XIRP1: variants seen among roughly 807,000 people sequenced by gnomAD.
The protein encoded by XIRP1 is xin actin-binding repeat-containing protein 1.
For synonymous variants in XIRP1, 984 were observed against 947.0 expected (o/e 1.04, Z -0.72); for missense variants, 2,378 against 2,345.4 (o/e 1.01, Z -0.29).
At chr3:39,190,019 ACTTTTAC>A (rs1480303584) in intron 1 of XIRP1, among the ~76,000 whole-genome samples, 1 of 152,174 alleles carries the variant, frequency 6.6e-6, no homozygotes, top group Non-Finnish European at 1.5e-5. Context: ...ACGCTGCCTA[ACTTTTAC>A]CTCTTGGCTG....
Position 39,186,553 on chromosome 3 carries a change from G to T in XIRP1, c.2893C>A (p.His965Asn). 6.2e-7 allele frequency: 1 copy of T among 1,611,878 alleles called. No homozygotes were observed. ...ACATGGATGATGCTCTCAGTTGGGTGCAGGCTCTGGGCCCCCTCGCTGGCT... is the reference window on the plus strand; with the variant it reads ...ACATGGATGATGCTCTCAGTTGGGTTCAGGCTCTGGGCCCCCTCGCTGGCT... ...VPASEGAQSL[H>N]PTESIIHVPP... The change falls in exon 2 of 2, where the codon CAC becomes AAC. Residue 965 changes from histidine (H) to asparagine (N), a missense_variant. Physicochemically the swap from His to Asn is moderately conservative, Grantham distance 68. Coordinates refer to ENST00000340369, the MANE Select transcript of XIRP1 (RefSeq NM_194293.4).
Position 39,185,227 on chromosome 3 carries a change from C to A in XIRP1, c.4219G>T (p.Ala1407Ser), listed in dbSNP as rs753207588. The change falls in exon 2 of 2, where the codon GCC (alanine) becomes TCC (serine). Residue 1407 changes from alanine (A) to serine (S), a missense_variant. By Grantham distance (99) the Ala-to-Ser change is moderately conservative. Coordinates refer to ENST00000340369, the MANE Select transcript of XIRP1 (RefSeq NM_194293.4). Reference sequence around the variant, plus strand: ...GCCTGATTCTTGGTGGGCCTGGGGGCCGTGGTGCTGAGGCCATGTTGTAAG... The same window carrying A: ...GCCTGATTCTTGGTGGGCCTGGGGGACGTGGTGCTGAGGCCATGTTGTAAG... ...PSLQHGLSTTAPRPTKNQATG... is the reference protein window; with the variant it reads ...PSLQHGLSTTSPRPTKNQATG... The A allele has an allele frequency of 2.5e-6, 4 of 1,614,072 alleles. No homozygotes were observed. Among genetic ancestry groups the A allele is most frequent in the South Asian group, 1.1e-5 (1 of 91,084 alleles).
chr3:39,187,535 C>T lies in XIRP1; in HGVS notation c.1911G>A (p.Arg637=). 6.2e-7 allele frequency: 1 copy of T among 1,614,066 alleles called. No homozygotes were observed. Among genetic ancestry groups the T allele is most frequent in the Non-Finnish European group, 8.5e-7 (1 of 1,180,048 alleles). The part of the protein sequence containing the change: ...TWMFKPQPVD[R]PVGSREQHLQ... ...GGTGCTGCTCCCTGGAGCCCACTGG[C>T]CTGTCCACAGGTTGGGGCTTGAACA... Residue 637 remains arginine, a synonymous_variant, in exon 2 of 2, where the codon AGG becomes AGA. Transcript: ENST00000340369.
chr3:39,189,091 G>T lies in XIRP1; in HGVS notation c.355C>A (p.Leu119Met). ...HERPAAKEPVLCGDVQATSRK... is the reference protein window; with the variant it reads ...HERPAAKEPVMCGDVQATSRK... ...GAGGTGGCCTGGACGTCACCACACA[G>T]CACGGGCTCCTTGGCAGCTGGCCTC... Residue 119 changes from leucine to methionine, a missense_variant, in exon 2 of 2, where the codon CTG (leucine) becomes ATG (methionine). Leu to Met is a conservative substitution (Grantham distance 15). Transcript: ENST00000340369. 6.2e-7 allele frequency: 1 copy of T among 1,614,170 alleles called. No individual in the cohort carries two copies. The highest frequency in any genetic ancestry group is 8.5e-7 in the Non-Finnish European group (1 of 1,180,040).
chr3:39,188,906 C>T lies in XIRP1; in HGVS notation c.540G>A (p.Arg180=), dbSNP rs1362081792. The change falls in exon 2 of 2, where the codon AGG becomes AGA. Residue 180 remains arginine, a synonymous_variant. Transcript: ENST00000340369. The part of the protein sequence containing the change: ...GQAKELEATV[R]EPAASGDVQG... ...GCACATCTCCGCTGGCTGCAGGCTCCCTCACAGTGGCCTCCAGTTCCTTGG... is the reference window on the plus strand; with the variant it reads ...GCACATCTCCGCTGGCTGCAGGCTCTCTCACAGTGGCCTCCAGTTCCTTGG... The T allele has an allele frequency of 6.2e-7, 1 of 1,613,196 alleles. No homozygotes were observed. The highest frequency in any genetic ancestry group is 1.3e-5 in the African/African-American group (1 of 74,922).
In XIRP1 at chr3:39,187,663, G is replaced by A. The variant is rs766035547; in HGVS notation, c.1783C>T (p.Arg595Trp). The A allele has an allele frequency of 7.6e-5, 122 of 1,613,940 alleles. No individual in the cohort carries two copies. Among genetic ancestry groups the A allele is most frequent in the Non-Finnish European group, 9.7e-5 (114 of 1,180,048 alleles). The change falls in exon 2 of 2, where the codon CGG becomes TGG. Residue 595 changes from arginine to tryptophan, a missense_variant. Coordinates refer to ENST00000340369, the MANE Select transcript of XIRP1 (RefSeq NM_194293.4). The stretch of plus-strand genomic sequence containing the variant: ...ATTGGGCAAGTCTCGAACAACCACC[G>A]GATGGTCTGCACATCGCCCTTTGGG... The part of the protein sequence containing the change: ...APPKGDVQTI[R>W]WLFETCPMSE...
chr3:39,186,604 G>T lies in XIRP1; in HGVS notation c.2842C>A (p.Pro948Thr). The stretch of plus-strand genomic sequence containing the variant: ...GGCACTGGACTCGGGTCAGCCGGGG[G>T]CTCCCACCGCAGACTGTGCAGGCCA... ...LSGLHSLRWEPPADPSPVPAS... is the reference protein window; with the variant it reads ...LSGLHSLRWETPADPSPVPAS... The change falls in exon 2 of 2, where the codon CCC becomes ACC. Residue 948 changes from proline (P) to threonine (T), a missense_variant. Pro to Thr is a conservative substitution (Grantham distance 38, BLOSUM62 -1). Transcript: ENST00000340369. 6 of 1,609,880 alleles carry T rather than the reference G, an allele frequency of 3.7e-6. No homozygotes were observed. Among genetic ancestry groups the T allele is most frequent in the Non-Finnish European group, 5.1e-6 (6 of 1,177,548 alleles).
In XIRP1 at chr3:39,189,372, G is replaced by T. The variant is rs375830547; in HGVS notation, c.74C>A (p.Pro25His). Residue 25 changes from proline (P) to histidine (H), a missense_variant, in exon 2 of 2, where the codon CCT (proline) becomes CAT (histidine). Physicochemically the swap from Pro to His is moderately conservative, Grantham distance 77 (BLOSUM62 -2). Coordinates refer to ENST00000340369, the MANE Select transcript of XIRP1 (RefSeq NM_194293.4). ...RMATAEDLPL[P>H]PPPALEDLPL... ...CAGGTCCTCCAGGGCTGGGGGTGGA[G>T]GGAGGGGCAGGTCCTCTGCAGTTGC... The T allele has an allele frequency of 8.1e-6, 13 of 1,612,038 alleles. No homozygotes were observed. The highest frequency in any genetic ancestry group is 9.3e-6 in the Non-Finnish European group (11 of 1,179,550).
At position 39,189,266 on chromosome 3, in the gene XIRP1, G is replaced by A. The variant is rs2040050868; in HGVS notation, c.180C>T (p.His60=). The stretch of plus-strand genomic sequence containing the variant: ...GATTCTTGCGGAGCTCAGGGTGGAT[G>A]TGCCTGTAGAGGCGGCGGAGCTCAC... The part of the protein sequence containing the change: ...QASELRRLYR[H]IHPELRKNLA... Residue 60 remains histidine (H), a synonymous_variant, in exon 2 of 2, where the codon CAC becomes CAT. Coordinates refer to ENST00000340369, the MANE Select transcript of XIRP1 (RefSeq NM_194293.4). 1 of 1,614,058 alleles carries A rather than the reference G, an allele frequency of 6.2e-7. No homozygotes were observed. The highest frequency in any genetic ancestry group is 1.1e-5 in the South Asian group (1 of 91,080).
chr3:39,185,816 C>T lies in XIRP1; in HGVS notation c.3630G>A (p.Ala1210=), dbSNP rs539103997. The change falls in exon 2 of 2, where the codon GCG becomes GCA. Residue 1210 remains alanine (A), a synonymous_variant. Transcript: ENST00000340369. The part of the protein sequence containing the change: ...TQMAWGPPGK[A]MAEVCPGGLQ... ...GGCCCCCTGGGCAGACTTCTGCCAT[C>T]GCCTTCCCTGGTGGCCCCCAGGCCA... is the stretch of plus-strand genomic sequence containing the variant. 8.7e-6 allele frequency: 14 copies of T among 1,613,652 alleles called. No individual in the cohort carries two copies. The South Asian group carries it at 9.9e-5, about 11-fold the overall frequency.
chr3:39,186,002 C>T lies in XIRP1; in HGVS notation c.3444G>A (p.Val1148=). The T allele has an allele frequency of 6.2e-7, 1 of 1,614,150 alleles. No individual in the cohort carries two copies. The highest frequency in any genetic ancestry group is 1.1e-5 in the South Asian group (1 of 91,086). Residue 1148 remains valine, a synonymous_variant, in exon 2 of 2, where the codon GTG becomes GTA. Transcript: ENST00000340369. ...IQDGIYTAHP[V]RTFDPPGGVQ... is the part of the protein sequence containing the mutation. ...CACCCCCAGGTGGGTCAAAGGTCCT[C>T]ACGGGATGAGCGGTGTAGATGCCAT...
chr3:39,188,799 T>C lies in XIRP1; in HGVS notation c.647A>G (p.Glu216Gly), dbSNP rs2040037237. Residue 216 changes from glutamate to glycine, a missense_variant, in exon 2 of 2, where the codon GAA becomes GGA. Glu to Gly is a moderately conservative substitution (Grantham distance 98, BLOSUM62 -2). Transcript: ENST00000340369. ...CAGCTCCTGGATCTCTGAGCGCAGT[T>C]CCAAGGGGCTCTGCTCCTGCAGGGA... ...RPSLQEQSPL[E>G]LRSEIQELKG... 6.2e-7 allele frequency: 1 copy of C among 1,613,356 alleles called. No homozygotes were observed. The highest frequency in any genetic ancestry group is 1.7e-5 in the Admixed American group (1 of 60,008).
Position 39,185,539 on chromosome 3 carries a change from T to G in XIRP1, c.3907A>C (p.Thr1303Pro). 1 of 1,561,494 alleles carries G rather than the reference T, an allele frequency of 6.4e-7. No individual in the cohort carries two copies. Among genetic ancestry groups the G allele is most frequent in the South Asian group, 1.2e-5 (1 of 81,840 alleles). ...GTCTTTGTCTGTGACCCTCCAGGGG[T>G]TCTCTGGCCAGCAGGGCTGCTGTGG... is the stretch of plus-strand genomic sequence containing the variant. ...HSHSSPAGQR[T>P]PGGSQTKTPK... Residue 1303 changes from threonine to proline, a missense_variant, in exon 2 of 2, where the codon ACC becomes CCC. Transcript: ENST00000340369.
At position 39,186,896 on chromosome 3, in the gene XIRP1, G is replaced by A. The variant is rs755924636; in HGVS notation, c.2550C>T (p.Asp850=). 1.2e-6 allele frequency: 2 copies of A among 1,613,952 alleles called. No individual in the cohort carries two copies. The highest frequency in any genetic ancestry group is 4.5e-5 in the East Asian group (2 of 44,868). Residue 850 remains aspartate, a synonymous_variant, in exon 2 of 2, where the codon GAC becomes GAT. Coordinates refer to ENST00000340369, the MANE Select transcript of XIRP1 (RefSeq NM_194293.4). The stretch of plus-strand genomic sequence containing the variant: ...GCTTGAGTTGGAGCTGGCCAGTTGG[G>A]TCTTCCTGCACCAGCAGCCCCTGCT... The part of the protein sequence containing the change: ...VDQQGLLVQE[D]PTGQLQLKPL...
rs777511788 is a variant in XIRP1, at chr3:39,185,554, G to C, written c.3892C>G (p.Pro1298Ala). The C allele has an allele frequency of 6.4e-7, 1 of 1,570,482 alleles. No homozygotes were observed. Among genetic ancestry groups the C allele is most frequent in the South Asian group, 1.2e-5 (1 of 84,010 alleles). Residue 1298 changes from proline (P) to alanine (A), a missense_variant, in exon 2 of 2, where the codon CCT becomes GCT. Physicochemically the swap from Pro to Ala is conservative, Grantham distance 27. Coordinates refer to ENST00000340369, the MANE Select transcript of XIRP1 (RefSeq NM_194293.4). The part of the protein sequence containing the change: ...KDPLLHSHSS[P>A]AGQRTPGGSQ... ...CCTCCAGGGGTTCTCTGGCCAGCAG[G>C]GCTGCTGTGGGAGTGAAGAAGGGGG...
In XIRP1 at chr3:39,187,495, C is replaced by T; in HGVS notation, c.1951G>A (p.Val651Ile). ...TCTGTCTGTCTTTCCCCAGCCGGGACCTGGCTAACCTGCAGGTGCTGCTCC... is the reference window on the plus strand; with the variant it reads ...TCTGTCTGTCTTTCCCCAGCCGGGATCTGGCTAACCTGCAGGTGCTGCTCC... ...SREQHLQVSQ[V>I]PAGERQTDRH... Residue 651 changes from valine (V) to isoleucine (I), a missense_variant, in exon 2 of 2, where the codon GTC becomes ATC. Physicochemically the swap from Val to Ile is conservative, Grantham distance 29. Coordinates refer to ENST00000340369, the MANE Select transcript of XIRP1 (RefSeq NM_194293.4). The T allele has an allele frequency of 6.2e-7, 1 of 1,614,086 alleles. No homozygotes were observed. The highest frequency in any genetic ancestry group is 8.5e-7 in the Non-Finnish European group (1 of 1,180,046).
chr3:39,185,063 A>G lies in XIRP1; in HGVS notation c.4383T>C (p.Pro1461=), dbSNP rs774266715. Reference sequence around the variant, plus strand: ...CTTTCTGGTTTCTTTGCAGACTGTCAGGGCTCTCAGGGGCCCCTTGGTGGG... The same window carrying G: ...CTTTCTGGTTTCTTTGCAGACTGTCGGGGCTCTCAGGGGCCCCTTGGTGGG... ...EGSHQGAPES[P]DSLQRNQKEL... Residue 1461 remains proline (P), a synonymous_variant, in exon 2 of 2, where the codon CCT becomes CCC. Coordinates refer to ENST00000340369, the MANE Select transcript of XIRP1 (RefSeq NM_194293.4). 1 of 1,523,512 alleles carries G rather than the reference A, an allele frequency of 6.6e-7. No individual in the cohort carries two copies. The highest frequency in any genetic ancestry group is 8.8e-7 in the Non-Finnish European group (1 of 1,139,166). The allele number at this position is 1,523,512 out of a possible 1,614,324, so 94.4% of individuals were successfully genotyped here. A position where few individuals can be genotyped will look rare whatever the true frequency, so the allele number is the denominator to read the frequency against.
At chr3:39,190,188 G>A (rs550770647) in intron 1 of XIRP1, among the ~76,000 whole-genome samples, 28 of 152,280 alleles carry the variant, frequency 1.8e-4, no homozygotes, top group African/African-American at 6.5e-4. Flanking sequence ...TCTGGTCAGG[G>A]TTTTCTGCAT....
At chr3:39,191,556 G>A (rs998056108) in intron 1 of XIRP1, among the ~76,000 whole-genome samples, 2 of 152,234 alleles carry the variant, frequency 1.3e-5, no homozygotes, top group African/African-American at 2.4e-5. Context: ...AGCAAAGCCT[G>A]AAGCATGTCT....
Sources: allele counts gnomAD v4.1 joint callset (sites outside exome capture counted in the v4.1 genomes callset), GRCh38; gene constraint gnomAD v4.1.1; transcripts MANE v1.5; gene names NCBI Gene and HGNC (gene_info 2026-07-23, HGNC 2026-07-21).